Variants in NRG2 observed in about 807,000 individuals in gnomAD.
The protein encoded by NRG2 is neuregulin 2.
NRG2 carries 27 observed loss-of-function variants against 73.9 expected under a neutral mutation model. The ratio of observed to expected loss-of-function variants is 0.37; its 90% CI spans 0.27 to 0.50. The LOEUF (loss-of-function observed/expected upper bound fraction) is 0.50. Ranked by LOEUF, NRG2 falls within the 20% of genes least tolerant of loss-of-function variation. The pLI is 0.96. For synonymous variants in NRG2, 532 were observed against 541.0 expected, an observed-to-expected ratio of 0.98 and a Z score of 0.23; for missense variants, 1,126 against 1,210.1, an observed-to-expected ratio of 0.93 and a Z score of 1.03.
intron 1 of NRG2, among the ~76,000 whole-genome samples, chr5:140,031,185 G>A (rs1009622543): frequency 6.6e-6 from 1 of 152,208 alleles, no homozygotes; most frequent in African/African-American, 2.4e-5. Context: ...GACAATGGGG[G>A]CTGAAGAACG....
In NRG2 at chr5:139,852,297, C is replaced by T; in HGVS notation, c.1544+135G>A. The T allele has an allele frequency of 9.1e-7, 1 of 1,099,908 alleles. No homozygotes were observed. 68.1% of individuals were successfully genotyped at this position (1,099,908 alleles called of 1,614,324 possible). On this transcript the variant is annotated intron_variant, in intron 8 of 9. Coordinates refer to ENST00000361474, the MANE Select transcript of NRG2 (RefSeq NM_004883.3). This position sits in a 1 kb window ranked among gnomAD's most constrained non-coding sequence, Gnocchi z 4.4. ...GGCCTCTGCAGTTCTGGAGAGGAGG[C>T]TAAGGTGTGCTGTGATTCCTGTGGC...
rs1286119606 is a variant in NRG2, at chr5:139,853,368, G to A, written c.1293-341C>T. ...TTCCAAAGACTATTGAGGATTAAAAGTATATGAAACATTCAAGCACAGTGC... is the reference window on the plus strand; with the variant it reads ...TTCCAAAGACTATTGAGGATTAAAAATATATGAAACATTCAAGCACAGTGC... On this transcript the variant is annotated intron_variant, in intron 6 of 9. Transcript: ENST00000361474. This position sits in a 1 kb window ranked among gnomAD's most constrained non-coding sequence, Gnocchi z 4.1. Among the ~76,000 whole-genome samples the A allele has an allele frequency of 6.6e-6, 1 of 152,204 alleles. No individual in the cohort carries two copies. Among genetic ancestry groups the A allele is most frequent in the Non-Finnish European group, 1.5e-5 (1 of 68,048 alleles).
chr5:139,913,382 C>G (rs1750998222), intron 1 of NRG2, among the ~76,000 whole-genome samples: 1 of 152,246 alleles, frequency 6.6e-6, no homozygotes, highest in African/African-American at 2.4e-5. Flanking sequence ...GTGCCCACCA[C>G]AAGCCTTTGT....
chr5:139,885,718 G>A (rs1763818542), intron 2 of NRG2, among the ~76,000 whole-genome samples: 1 of 151,934 alleles, frequency 6.6e-6, no homozygotes. Context: ...GTGTGTGTGT[G>A]TGGTGGGGGG....
chr5:140,008,658 G>A lies in NRG2; in HGVS notation c.700+33712C>T, dbSNP rs1759106045. Among the ~76,000 whole-genome samples, 1 of 152,176 alleles carries A rather than the reference G, an allele frequency of 6.6e-6. No homozygotes were observed. The highest frequency in any genetic ancestry group is 6.5e-5 in the Admixed American group (1 of 15,278). ...AATTCCAGACGGGTCAGCATTAAAT[G>A]CCAACTTAAAACCTAGAATATAAGA... On this transcript the variant is annotated intron_variant, in intron 1 of 9. Transcript: ENST00000361474. This position sits in a 1 kb window ranked among gnomAD's most constrained non-coding sequence, Gnocchi z 4.2.
rs1006609569 is a variant in NRG2, at chr5:139,868,160, G to A, written c.1113-2535C>T. On this transcript the variant is annotated intron_variant, in intron 4 of 9. Coordinates refer to ENST00000361474, the MANE Select transcript of NRG2 (RefSeq NM_004883.3). The surrounding 1 kb of genome is among the most constrained non-coding windows in gnomAD (Gnocchi z 4.2). Reference sequence around the variant, plus strand: ...GGGTGGTGGAAGGCTGACAGCTACTGCTGTTCTTTGGGGTGCTAGCTCCTT... The same window carrying A: ...GGGTGGTGGAAGGCTGACAGCTACTACTGTTCTTTGGGGTGCTAGCTCCTT... 6.6e-6 allele frequency among the ~76,000 whole-genome samples: 1 copy of A among 152,098 alleles called. No individual in the cohort carries two copies. The highest frequency in any genetic ancestry group is 2.4e-5 in the African/African-American group (1 of 41,408).
At position 139,847,393 on chromosome 5, in the gene NRG2, C is replaced by CTCTCCTCCTCCTCCCAGT. The variant is rs1171045409; in HGVS notation, c.*523_*524insACTGGGAGGAGGAGGAGA. On this transcript the variant is annotated 3_prime_UTR_variant, in exon 10 of 10. Coordinates refer to ENST00000361474, the MANE Select transcript of NRG2 (RefSeq NM_004883.3). Reference sequence around the variant, plus strand: ...CAGCTCCAAGCCTAGGGTCCTGGCCCTCTCCTCCCAGGGGTCGGGAACTTC... The same window carrying CTCTCCTCCTCCTCCCAGT: ...CAGCTCCAAGCCTAGGGTCCTGGCCCTCTCCTCCTCCTCCCAGTTCTCCTCCCAGGGGTCGGGAACTTC... 1 of 152,264 alleles carries CTCTCCTCCTCCTCCCAGT rather than the reference C, an allele frequency of 6.6e-6. No homozygotes were observed. The highest frequency in any genetic ancestry group is 6.5e-5 in the Admixed American group (1 of 15,278). 9.4% of individuals were successfully genotyped at this position (152,264 alleles called of 1,614,324 possible).
At chr5:139,932,675 T>C (rs750515338) in intron 1 of NRG2, among the ~76,000 whole-genome samples, 11 of 152,160 alleles carry the variant, frequency 7.2e-5, no homozygotes, top group Non-Finnish European at 1.2e-4. Flanking sequence ...TAATCTACTT[T>C]ATTATAGTAA....
intron 1 of NRG2, among the ~76,000 whole-genome samples, chr5:139,967,816 A>G (rs929270567): frequency 6.7e-6 from 1 of 149,632 alleles, no homozygotes; most frequent in Non-Finnish European, 1.5e-5. Flanking sequence ...AAAATTAGCC[A>G]GGCGTGGTGG....
At chr5:139,987,729 A>G (rs1757275949) in intron 1 of NRG2, among the ~76,000 whole-genome samples, 1 of 151,894 alleles carries the variant, frequency 6.6e-6, no homozygotes, top group Admixed American at 6.6e-5. Context: ...AGCCTTATTA[A>G]ATGCACATAT....
At chr5:139,935,173 A>C (rs916172584) in intron 1 of NRG2, among the ~76,000 whole-genome samples, 2 of 151,928 alleles carry the variant, frequency 1.3e-5, no homozygotes, top group African/African-American at 4.8e-5. Flanking sequence ...GTCTCAGTTA[A>C]AAAAAAAGAA....
intron 1 of NRG2, among the ~76,000 whole-genome samples, chr5:139,945,792 A>C (rs1423591660): frequency 6.6e-6 from 1 of 152,106 alleles, no homozygotes; most frequent in Non-Finnish European, 1.5e-5. Context: ...GATCTACATA[A>C]ATAAATTATA....
chr5:139,852,847 T>TGAGAAGGCTGGCTGTCCAC lies in NRG2; in HGVS notation c.1416+38_1416+56dup. 2 of 1,606,788 alleles carry TGAGAAGGCTGGCTGTCCAC rather than the reference T, an allele frequency of 1.2e-6. No individual in the cohort carries two copies. Among genetic ancestry groups the TGAGAAGGCTGGCTGTCCAC allele is most frequent in the Non-Finnish European group, 1.7e-6 (2 of 1,178,100 alleles). On this transcript the variant is annotated intron_variant, in intron 7 of 9. Coordinates refer to ENST00000361474, the MANE Select transcript of NRG2 (RefSeq NM_004883.3). The surrounding 1 kb of genome is among the most constrained non-coding windows in gnomAD (Gnocchi z 4.4). ...CCCTGGCCCATCCTTGCAGGGGGCA[T>TGAGAAGGCTGGCTGTCCAC]GAGAAGGCTGGCTGTCCACTGAGGG...
At chr5:139,920,254 C>T (rs1030412283) in intron 1 of NRG2, among the ~76,000 whole-genome samples, 1 of 152,194 alleles carries the variant, frequency 6.6e-6, no homozygotes, top group African/African-American at 2.4e-5. Flanking sequence ...TTTTGGAGAG[C>T]AGTTCTCATT....
rs73271430 is a variant in NRG2, at chr5:139,895,290, G to A, written c.701-7779C>T. Reference sequence around the variant, plus strand: ...ATACCTCATCCCCAGAGTCACGCAGGTCCACGCCGCAGTGCTCCACCCAGC... The same window carrying A: ...ATACCTCATCCCCAGAGTCACGCAGATCCACGCCGCAGTGCTCCACCCAGC... On this transcript the variant is annotated intron_variant, in intron 1 of 9. Coordinates refer to ENST00000361474, the MANE Select transcript of NRG2 (RefSeq NM_004883.3). Among the ~76,000 whole-genome samples the A allele has an allele frequency of 7.8e-3, 1,193 of 152,368 alleles. 18 individuals are homozygous for A. Among genetic ancestry groups the A allele is most frequent in the African/African-American group, 0.028 (1,148 of 41,602 alleles).
chr5:139,965,390 A>G (rs1246168525), intron 1 of NRG2, among the ~76,000 whole-genome samples: 1 of 152,224 alleles, frequency 6.6e-6, no homozygotes, highest in African/African-American at 2.4e-5. Context: ...AGCCCAAACC[A>G]GCACAATTGC....
Position 140,042,962 on chromosome 5 carries a change from G to A in NRG2, c.108C>T (p.Ser36=). 1 of 1,548,148 alleles carries A rather than the reference G, an allele frequency of 6.5e-7. No homozygotes were observed. Residue 36 remains serine (S), a synonymous_variant, in exon 1 of 10, where the codon AGC becomes AGT. Transcript: ENST00000361474. The part of the protein sequence containing the change: ...SSSSSERSSS[S]SSSSSESGSS... ...TGCCGCTCTCGCTGCTGCTGCTGCT[G>A]CTGCTGCTGCTCCTCTCGCTGCTGC... is the stretch of plus-strand genomic sequence containing the variant.
At chr5:140,004,321 C>T (rs188249507) in intron 1 of NRG2, among the ~76,000 whole-genome samples, 1 of 152,036 alleles carries the variant, frequency 6.6e-6, no homozygotes, top group Non-Finnish European at 1.5e-5. Flanking sequence ...GCAAACACCA[C>T]AAACAACTTT....
At chr5:139,876,059 A>G (rs949636804) in intron 3 of NRG2, among the ~76,000 whole-genome samples, 7 of 152,252 alleles carry the variant, frequency 4.6e-5, no homozygotes, top group Non-Finnish European at 8.8e-5. Context: ...AGCATTATTA[A>G]TAACAGCCAA....
Sources: allele counts gnomAD v4.1 joint callset (sites outside exome capture counted in the v4.1 genomes callset), GRCh38; gene constraint gnomAD v4.1.1; non-coding constraint Gnocchi (gnomAD v3.1); transcripts MANE v1.5; gene names NCBI Gene and HGNC (gene_info 2026-07-23, HGNC 2026-07-21).